Variants in ARFGAP3 observed in about 807,000 individuals in gnomAD.
ARFGAP3 encodes ADP-ribosylation factor GTPase-activating protein 3.
Under a neutral mutation model 75.0 loss-of-function variants are expected in ARFGAP3, and 72 were observed. The ratio of observed to expected loss-of-function variants is 0.96; its 90% confidence interval spans 0.79 to 1.17. The LOEUF (loss-of-function observed/expected upper bound fraction) is 1.17, where lower values mean the gene tolerates loss of function less well. ARFGAP3 is among the 50% of genes most tolerant of loss of function. ARFGAP3 has a pLI of 0.00. For missense variants in ARFGAP3, 620 were observed against 626.6 expected (o/e 0.99, Z 0.11); for synonymous variants, 221 against 217.9 (o/e 1.01, Z -0.13).
At chr22:42,856,402 C>T (rs1401080089) in intron 1 of ARFGAP3, among the ~76,000 whole-genome samples, 1 of 152,170 alleles carries the variant, frequency 6.6e-6, no homozygotes, top group Non-Finnish European at 1.5e-5. Flanking sequence ...AGTCCCTCTC[C>T]GACCCGACGT....
At chr22:42,843,788 A>G (rs754317682) in intron 2 of ARFGAP3, among the ~76,000 whole-genome samples, 1 of 152,178 alleles carries the variant, frequency 6.6e-6, no homozygotes, top group Middle Eastern at 3.2e-3. Flanking sequence ...CTTGAGAAAA[A>G]ACAGAGCTAG....
Position 42,835,419 on chromosome 22 carries a change from G to C in ARFGAP3, c.336C>G (p.Leu112=). The change falls in exon 4 of 16, where the codon CTC becomes CTG. Residue 112 remains leucine, a synonymous_variant. Transcript: ENST00000263245. ...NAKYNSRAAQ[L]YREKIKSLAS... ...CGAGCGATTTGATTTTCTCCCTATAGAGCTGAGCAGCACGACTGTTGTACT... is the reference window on the plus strand; with the variant it reads ...CGAGCGATTTGATTTTCTCCCTATACAGCTGAGCAGCACGACTGTTGTACT... 1.2e-6 allele frequency: 2 copies of C among 1,614,140 alleles called. No homozygotes were observed. Among genetic ancestry groups the C allele is most frequent in the East Asian group, 2.2e-5 (1 of 44,882 alleles).
rs921010048 is a variant in ARFGAP3, at chr22:42,857,264, A to T, written c.-82T>A. On this transcript the variant is annotated 5_prime_UTR_variant, in exon 1 of 16. Coordinates refer to ENST00000263245, the MANE Select transcript of ARFGAP3 (RefSeq NM_014570.5). ...AGCGGCTACCGCCTCAGCAGGAGCGACGAGGCCGCGGGGGCGGGGCTGCGC... is the reference window on the plus strand; with the variant it reads ...AGCGGCTACCGCCTCAGCAGGAGCGTCGAGGCCGCGGGGGCGGGGCTGCGC... 2 of 1,469,182 alleles carry T rather than the reference A, an allele frequency of 1.4e-6. No individual in the cohort carries two copies. Among genetic ancestry groups the T allele is most frequent in the Non-Finnish European group, 1.8e-6 (2 of 1,103,974 alleles). The allele number at this position is 1,469,182 out of a possible 1,614,324, so 91.0% of individuals were successfully genotyped here. A position where few individuals can be genotyped will look rare whatever the true frequency, so the allele number is the denominator to read the frequency against.
chr22:42,834,716 G>C (rs1397237047), intron 4 of ARFGAP3, among the ~76,000 whole-genome samples: 1 of 152,160 alleles, frequency 6.6e-6, no homozygotes, highest in Non-Finnish European at 1.5e-5. Context: ...GTCATTTGGA[G>C]AATAGTGCAG....
At chr22:42,847,201 T>A (rs1178131133) in intron 2 of ARFGAP3, 1 of 221,094 alleles carries the variant, frequency 4.5e-6, no homozygotes, top group Non-Finnish European at 9.0e-6. Flanking sequence ...AGGGTCTTAC[T>A]CTGTCGCCCA....
chr22:42,835,555 C>A, intron 3 of ARFGAP3, 62 bp from the exon 4 acceptor site: 1 of 1,585,922 alleles, frequency 6.3e-7, no homozygotes, highest in Non-Finnish European at 8.6e-7. Context: ...GGCGCAGTGG[C>A]TCATGCCTGT....
Position 42,822,258 on chromosome 22 carries a change from A to G in ARFGAP3, c.812+12T>C, listed in dbSNP as rs1925844525. ...CCCTGAAAATGTATTAATATAATGAAATTAAACTTACATTGATTCTTCTTT... is the reference window on the plus strand; with the variant it reads ...CCCTGAAAATGTATTAATATAATGAGATTAAACTTACATTGATTCTTCTTT... On this transcript the variant is annotated intron_variant, in intron 9 of 15. Transcript: ENST00000263245. 1 of 1,603,602 alleles carries G rather than the reference A, an allele frequency of 6.2e-7. No homozygotes were observed. The highest frequency in any genetic ancestry group is 8.5e-7 in the Non-Finnish European group (1 of 1,173,958).
intron 12 of ARFGAP3, among the ~76,000 whole-genome samples, chr22:42,810,093 G>A (rs1925297566): frequency 6.6e-6 from 1 of 151,970 alleles, no homozygotes; most frequent in African/African-American, 2.4e-5. Context: ...GAATCTTCAG[G>A]GAAGAGGACT....
At chr22:42,837,317 T>TA (rs1336334499) in intron 3 of ARFGAP3, among the ~76,000 whole-genome samples, 1 of 151,668 alleles carries the variant, frequency 6.6e-6, no homozygotes, top group African/African-American at 2.4e-5. Flanking sequence ...AGAAAATCAA[T>TA]AAAAAATTAA....
rs765484662 is a variant in ARFGAP3 at position 42,799,059 on chromosome 22, C to G, written c.1513G>C (p.Gly505Arg). The G allele has an allele frequency of 6.2e-7, 1 of 1,614,196 alleles. No individual in the cohort carries two copies. Among genetic ancestry groups the G allele is most frequent in the Non-Finnish European group, 8.5e-7 (1 of 1,180,036 alleles). The change falls in exon 15 of 16, where the codon GGA becomes CGA. Residue 505 changes from glycine to arginine, a missense_variant. Coordinates refer to ENST00000263245, the MANE Select transcript of ARFGAP3 (RefSeq NM_014570.5). The part of the protein sequence containing the change: ...VAGKLSVFAN[G>R]VVTSIQDRYG... The stretch of plus-strand genomic sequence containing the variant: ...CTGACCTGAATTGAAGTCACGACTC[C>G]ATTAGCAAAGACGGAGAGTTTTCCA...
At chr22:42,843,835 A>G (rs552204363) in intron 2 of ARFGAP3, among the ~76,000 whole-genome samples, 58 of 152,320 alleles carry the variant, frequency 3.8e-4, no homozygotes, top group African/African-American at 1.4e-3. Flanking sequence ...GATCCCAGCA[A>G]TGGAGGTGAA....
intron 6 of ARFGAP3, among the ~76,000 whole-genome samples, chr22:42,830,430 A>G (rs1326630274): frequency 6.6e-6 from 1 of 151,668 alleles, no homozygotes; most frequent in African/African-American, 2.4e-5. Flanking sequence ...CCATCACCCA[A>G]CCCGCGGTTG....
chr22:42,836,889 G>A (rs1368117274), intron 3 of ARFGAP3, among the ~76,000 whole-genome samples: 1 of 152,168 alleles, frequency 6.6e-6, no homozygotes, highest in African/African-American at 2.4e-5. Context: ...AGTCACATGG[G>A]TAGCAAGGGA....
At chr22:42,841,552 C>T (rs1926780392) in intron 2 of ARFGAP3, among the ~76,000 whole-genome samples, 1 of 152,180 alleles carries the variant, frequency 6.6e-6, no homozygotes, top group South Asian at 2.1e-4. Context: ...TTATGCCTAA[C>T]TTCTCTCCAC....
At chr22:42,830,461 G>A (rs1383473219) in intron 6 of ARFGAP3, among the ~76,000 whole-genome samples, 1 of 152,124 alleles carries the variant, frequency 6.6e-6, no homozygotes, top group African/African-American at 2.4e-5. Context: ...CATCTTTCCT[G>A]TTACGCTATG....
In ARFGAP3 at chr22:42,799,159, C is replaced by T; in HGVS notation, c.1413G>A (p.Gly471=). The change falls in exon 15 of 16, where the codon GGG becomes GGA. Residue 471 remains glycine, a splice_region_variant and synonymous_variant. Coordinates refer to ENST00000263245, the MANE Select transcript of ARFGAP3 (RefSeq NM_014570.5). ...GCAGCACACTGGACAGGCTGTAGTTCCCTGCACACACACAGCAGACACTGT... is the reference window on the plus strand; with the variant it reads ...GCAGCACACTGGACAGGCTGTAGTTTCCTGCACACACACAGCAGACACTGT... ...LFEEPRKQPA[G]NYSLSSVLPN... is the part of the protein sequence containing the mutation. 1.9e-6 allele frequency: 3 copies of T among 1,614,046 alleles called. No homozygotes were observed. The highest frequency in any genetic ancestry group is 2.5e-6 in the Non-Finnish European group (3 of 1,179,976).
At chr22:42,805,930 C>T (rs938897137) in intron 14 of ARFGAP3, among the ~76,000 whole-genome samples, 3 of 152,246 alleles carry the variant, frequency 2.0e-5, no homozygotes, top group African/African-American at 7.2e-5. Flanking sequence ...AGCACAGCAA[C>T]TTGGCAGTGC....
At chr22:42,836,806 G>C (rs945346872) in intron 3 of ARFGAP3, among the ~76,000 whole-genome samples, 2 of 152,308 alleles carry the variant, frequency 1.3e-5, no homozygotes. Flanking sequence ...AACACTATCA[G>C]ACAGTCACTA....
At chr22:42,832,466 G>A (rs1342980176) in intron 5 of ARFGAP3, among the ~76,000 whole-genome samples, 1 of 150,992 alleles carries the variant, frequency 6.6e-6, no homozygotes, top group African/African-American at 2.4e-5. Context: ...GGGAGGCAGA[G>A]GCTGCAGTGA....
Sources: allele counts gnomAD v4.1 joint callset (sites outside exome capture counted in the v4.1 genomes callset), GRCh38; gene constraint gnomAD v4.1.1; transcripts MANE v1.5; gene names NCBI Gene and HGNC (gene_info 2026-07-23, HGNC 2026-07-21).